BMP7: variants seen among roughly 807,000 people sequenced by gnomAD.
The protein encoded by BMP7 is osteogenic protein 1.
Under a neutral mutation model 41.2 loss-of-function variants are expected in BMP7, and 12 were observed. The ratio of observed to expected loss-of-function variants is 0.29; its 90% CI spans 0.19 to 0.47. The LOEUF (loss-of-function observed/expected upper bound fraction) is 0.47, where lower values mean the gene tolerates loss of function less well. Ranked by LOEUF, BMP7 falls within the 20% of genes least tolerant of loss-of-function variation. BMP7 has a pLI of 0.99. For missense variants in BMP7, 467 were observed against 606.0 expected (o/e 0.77, Z 2.41); for synonymous variants, 248 against 250.0 (o/e 0.99, Z 0.07).
At position 57,199,641 on chromosome 20, in the gene BMP7, T is replaced by C. The variant is rs577848316; in HGVS notation, c.760+2834A>G. On this transcript the variant is annotated intron_variant, in intron 3 of 6. Transcript: ENST00000395863. ...ACGCCAGGCTTGAGATCCTCCACGG[T>C]AGGGAAAACAAAGCATTTTCACAGC... Among the ~76,000 whole-genome samples the C allele has an allele frequency of 3.9e-5, 6 of 152,226 alleles. No individual in the cohort carries two copies. In the South Asian group the frequency reaches 1.2e-3, roughly 32 times the overall value.
At chr20:57,227,228 TCA>T (rs1465763963) in intron 2 of BMP7, among the ~76,000 whole-genome samples, 2 of 152,226 alleles carry the variant, frequency 1.3e-5, no homozygotes, top group Non-Finnish European at 2.9e-5. Context: ...CTGGGTAGCC[TCA>T]TTCTTTGGCT....
intron 4 of BMP7, among the ~76,000 whole-genome samples, chr20:57,175,494 C>T (rs1983903761): frequency 6.6e-6 from 1 of 152,180 alleles, no homozygotes; most frequent in Admixed American, 6.5e-5. Context: ...AAGCAACCAT[C>T]ACCACCACCA....
At chr20:57,180,202 A>C (rs534294708) in intron 4 of BMP7, among the ~76,000 whole-genome samples, 1 of 152,214 alleles carries the variant, frequency 6.6e-6, no homozygotes, top group Non-Finnish European at 1.5e-5. Flanking sequence ...CCACAGCTTG[A>C]ATCTCTGCAA....
In BMP7 at chr20:57,173,264, C is replaced by T; in HGVS notation, c.1082G>A (p.Gly361Glu). 2 of 1,614,208 alleles carry T rather than the reference C, an allele frequency of 1.2e-6. No individual in the cohort carries two copies. Among genetic ancestry groups the T allele is most frequent in the Non-Finnish European group, 1.7e-6 (2 of 1,180,040 alleles). Residue 361 changes from glycine to glutamate, a missense_variant, in exon 6 of 7, where the codon GGG (glycine) becomes GAG (glutamate). Physicochemically the swap from Gly to Glu is moderately conservative, Grantham distance 98. This residue lies in a region of BMP7 where 60 missense variants were observed against 120.1 expected (regional missense o/e 0.50). Coordinates refer to ENST00000395863, the MANE Select transcript of BMP7 (RefSeq NM_001719.3). ...PEGYAAYYCE[G>E]ECAFPLNSYM... Reference sequence around the variant, plus strand: ...GGAGTTCAGAGGGAAGGCACACTCCCCCTCACAGTAGTAGGCGGCGTAGCC... The same window carrying T: ...GGAGTTCAGAGGGAAGGCACACTCCTCCTCACAGTAGTAGGCGGCGTAGCC...
At chr20:57,175,473 G>A (rs1057337865) in intron 4 of BMP7, among the ~76,000 whole-genome samples, 2 of 152,194 alleles carry the variant, frequency 1.3e-5, no homozygotes, top group Non-Finnish European at 2.9e-5. Flanking sequence ...ATGCGGGACA[G>A]GGCCTGGGAC....
At chr20:57,263,736 G>A (rs929906296) in intron 1 of BMP7, among the ~76,000 whole-genome samples, 5 of 152,130 alleles carry the variant, frequency 3.3e-5, no homozygotes, top group Non-Finnish European at 7.3e-5. Flanking sequence ...ACAGAGCTCT[G>A]CGTTCATTAT....
chr20:57,230,322 C>G (rs1296190260), intron 1 of BMP7, among the ~76,000 whole-genome samples: 2 of 152,094 alleles, frequency 1.3e-5, no homozygotes, highest in Admixed American at 1.3e-4. Flanking sequence ...TAAAGGGCAG[C>G]CACTTGGGAA....
intron 2 of BMP7, among the ~76,000 whole-genome samples, chr20:57,226,973 C>G (rs1006126294): frequency 6.6e-6 from 1 of 151,942 alleles, no homozygotes; most frequent in Non-Finnish European, 1.5e-5. Context: ...ATTACAGGCG[C>G]CCGCCACCAT....
intron 1 of BMP7, among the ~76,000 whole-genome samples, chr20:57,251,360 T>A (rs1341884089): frequency 6.6e-6 from 1 of 152,058 alleles, no homozygotes; most frequent in East Asian, 1.9e-4. Context: ...AGACCCAAAC[T>A]CTTAACTACC....
chr20:57,218,774 T>C (rs900101559), intron 2 of BMP7, among the ~76,000 whole-genome samples: 14 of 150,440 alleles, frequency 9.3e-5, no homozygotes, highest in Non-Finnish European at 1.8e-4. Context: ...TGGTGTTTGT[T>C]TGGTGGTAGC....
intron 3 of BMP7, among the ~76,000 whole-genome samples, chr20:57,198,050 G>GCCTCTCCTCTCCTATCCCCT (rs1555813064): frequency 4.8e-5 from 7 of 146,492 alleles, no homozygotes; most frequent in African/African-American, 1.7e-4. Context: ...AAGGTGCCTT[G>GCCTCTCCTCTCCTATCCCCT]CCTCTCCTCT....
intron 1 of BMP7, among the ~76,000 whole-genome samples, chr20:57,237,659 G>A (rs1036815901): frequency 2.0e-5 from 3 of 152,208 alleles, no homozygotes; most frequent in Admixed American, 6.5e-5. Flanking sequence ...TGAGCAGCCT[G>A]GAGAGGCCAC....
intron 2 of BMP7, among the ~76,000 whole-genome samples, chr20:57,216,213 C>A (rs765539781): frequency 5.9e-5 from 9 of 152,126 alleles, no homozygotes; most frequent in Non-Finnish European, 5.9e-5. Flanking sequence ...GAAGCTGTGC[C>A]GGTGCCAAAG....
intron 2 of BMP7, among the ~76,000 whole-genome samples, chr20:57,209,112 G>C (rs1984811237): frequency 6.6e-6 from 1 of 151,828 alleles, no homozygotes; most frequent in Admixed American, 6.6e-5. Context: ...CTGAGGTCGG[G>C]AGTTCGAGAC....
chr20:57,261,240 T>C lies in BMP7; in HGVS notation c.418+4465A>G, dbSNP rs1161739619. On this transcript the variant is annotated intron_variant, in intron 1 of 6. Transcript: ENST00000395863. This position sits in a 1 kb window ranked among gnomAD's most constrained non-coding sequence, Gnocchi z 4.1. Reference sequence around the variant, plus strand: ...CATGGTAAAGCCCCAAACCGTAGCTTGAGAGGGCTGCATCTCAAAAGCGGT... The same window carrying C: ...CATGGTAAAGCCCCAAACCGTAGCTCGAGAGGGCTGCATCTCAAAAGCGGT... Among the ~76,000 whole-genome samples, 6 of 152,178 alleles carry C rather than the reference T, an allele frequency of 3.9e-5. No individual in the cohort carries two copies. The highest frequency in any genetic ancestry group is 1.3e-4 in the Admixed American group (2 of 15,274).
chr20:57,202,385 T>G, intron 3 of BMP7, 90 bp downstream of exon 3: 1 of 1,526,548 alleles, frequency 6.6e-7, no homozygotes, highest in South Asian at 1.2e-5. Context: ...GAAGCCTGTT[T>G]GTAGTGAAGC....
In BMP7 at chr20:57,202,593, A is replaced by T; in HGVS notation, c.642T>A (p.Arg214=). Residue 214 remains arginine (R), a synonymous_variant, in exon 3 of 7, where the codon CGT becomes CGA. Transcript: ENST00000395863. ...AGCCCTCCTCCGAGGCCCAGAGGGT[A>T]CGGCTGTCGAGCAGGAAGAGATCCG... ...RESDLFLLDS[R]TLWASEEGWL... 1 of 1,612,326 alleles carries T rather than the reference A, an allele frequency of 6.2e-7. No individual in the cohort carries two copies. The highest frequency in any genetic ancestry group is 8.5e-7 in the Non-Finnish European group (1 of 1,179,982).
At chr20:57,227,025 C>T (rs1164773146) in intron 2 of BMP7, among the ~76,000 whole-genome samples, 1 of 152,094 alleles carries the variant, frequency 6.6e-6, no homozygotes, top group Non-Finnish European at 1.5e-5. Context: ...CGGGGTTTCA[C>T]CGTGTTGGCC....
chr20:57,239,192 T>C (rs8123651), intron 1 of BMP7, among the ~76,000 whole-genome samples: 51,834 of 152,062 alleles, frequency 0.34, 10,056 homozygotes, highest in Non-Finnish European at 0.43. Context: ...ACTTCCTAGA[T>C]ACAATGGAGG....
Sources: gnomAD v4.1 joint callset for allele counts (sites outside exome capture counted in the v4.1 genomes callset) on GRCh38, gnomAD v4.1.1 for gene constraint, gnomAD v4.1.1 regional missense constraint, Gnocchi (gnomAD v3.1) non-coding constraint, MANE v1.5 for transcripts, NCBI Gene and HGNC (gene_info 2026-07-23, HGNC 2026-07-21) for gene names.